Variants in SRP72 observed in about 807,000 individuals in gnomAD.
The protein encoded by SRP72 is signal recognition particle 72.
Under a neutral mutation model 96.3 loss-of-function variants are expected in SRP72, and 49 were observed. The ratio of observed to expected loss-of-function variants is 0.51; its 90% CI spans 0.40 to 0.65. The LOEUF (loss-of-function observed/expected upper bound fraction) is 0.65, where lower values mean the gene tolerates loss of function less well. Ranked by LOEUF, SRP72 falls within the 30% of genes least tolerant of loss-of-function variation. SRP72 has a pLI of 0.00. For synonymous variants in SRP72, 267 were observed against 275.2 expected (o/e 0.97, Z 0.30); for missense variants, 736 against 793.3 (o/e 0.93, Z 0.87).
rs1719786395 is a variant in SRP72 at position 56,467,669 on chromosome 4, C to A, written c.34C>A (p.Pro12Thr). ...ASGGSGGVSVPALWSEVNRYG... is the reference protein window; with the variant it reads ...ASGGSGGVSVTALWSEVNRYG... ...CGGCGGCAGCGGGGGGGTGTCAGTACCTGCGCTGTGGAGTGAAGTGAACCG... is the reference window on the plus strand; with the variant it reads ...CGGCGGCAGCGGGGGGGTGTCAGTAACTGCGCTGTGGAGTGAAGTGAACCG... The change falls in exon 1 of 19, where the codon CCT becomes ACT. Residue 12 changes from proline to threonine, a missense_variant. Transcript: ENST00000642900. 1 of 1,564,656 alleles carries A rather than the reference C, an allele frequency of 6.4e-7. No individual in the cohort carries two copies. Among genetic ancestry groups the A allele is most frequent in the Non-Finnish European group, 8.6e-7 (1 of 1,157,596 alleles).
intron 16 of SRP72, among the ~76,000 whole-genome samples, chr4:56,494,771 T>C (rs1721021425): frequency 6.6e-6 from 1 of 152,052 alleles, no homozygotes; most frequent in South Asian, 2.1e-4. Flanking sequence ...CCTTTTTTGG[T>C]CAATGTACTT....
chr4:56,495,133 G>A, intron 16 of SRP72: 1 of 328,390 alleles, frequency 3.0e-6, no homozygotes, highest in Non-Finnish European at 5.6e-6. Flanking sequence ...TTTTCGAATT[G>A]TCACCTCTGT....
intron 18 of SRP72, among the ~76,000 whole-genome samples, chr4:56,501,386 G>C (rs1721256950): frequency 6.6e-6 from 1 of 152,036 alleles, no homozygotes; most frequent in Non-Finnish European, 1.5e-5. Context: ...AGCTGAGATG[G>C]TGCCACTGCA....
chr4:56,481,275 G>A (rs1288881852), intron 8 of SRP72, among the ~76,000 whole-genome samples: 1 of 152,022 alleles, frequency 6.6e-6, no homozygotes, highest in African/African-American at 2.4e-5. Flanking sequence ...TAGAAGACCT[G>A]GTTTAAAAAA....
intron 8 of SRP72, 77 bp from the exon 9 acceptor site, chr4:56,483,058 GTATC>G: frequency 7.5e-7 from 1 of 1,338,558 alleles, no homozygotes; most frequent in Non-Finnish European, 1.0e-6. Flanking sequence ...CTCTCCTGCT[GTATC>G]TATATAAAGT....
chr4:56,482,397 G>A (rs1248713423), intron 8 of SRP72, among the ~76,000 whole-genome samples: 5 of 151,610 alleles, frequency 3.3e-5, no homozygotes, highest in Non-Finnish European at 5.9e-5. Context: ...GTAGTGAGCT[G>A]AGACTGTGCC....
intron 17 of SRP72, among the ~76,000 whole-genome samples, chr4:56,496,046 C>A (rs570166296): frequency 6.6e-6 from 1 of 152,146 alleles, no homozygotes; most frequent in Non-Finnish European, 1.5e-5. Context: ...GGTCAGTGTC[C>A]AGCCTTGAAT....
In SRP72 at chr4:56,501,859, T is replaced by C. The variant is rs756251299; in HGVS notation, c.2014T>C (p.Ter672ArgextTer1). The C allele has an allele frequency of 6.2e-7, 1 of 1,614,028 alleles. No homozygotes were observed. The highest frequency in any genetic ancestry group is 2.2e-5 in the East Asian group (1 of 44,878). ...KKKKGGKGGW[*>R] ...GAAGAAAGGTGGAAAAGGTGGCTGG[T>C]GATGAGAATATTCTTGTTGCAGGCT... The change falls in exon 19 of 19, where the codon TGA becomes CGA. Residue 672 changes from the stop codon to arginine, a stop_lost. Coordinates refer to ENST00000642900, the MANE Select transcript of SRP72 (RefSeq NM_006947.4).
rs1056102538 is a variant in SRP72 at position 56,469,696 on chromosome 4, A to G, written c.153A>G (p.Lys51=). ...NKDDVTALHC[K]VVCLIQNGSF... ...ATGACGTAACTGCCCTGCATTGTAA[A>G]GTGGTATGCCTTATCCAGAATGGAA... The change falls in exon 2 of 19, where the codon AAA becomes AAG. Residue 51 remains lysine (K), a synonymous_variant. Coordinates refer to ENST00000642900, the MANE Select transcript of SRP72 (RefSeq NM_006947.4). 3.7e-6 allele frequency: 6 copies of G among 1,612,242 alleles called. No homozygotes were observed. Among genetic ancestry groups the G allele is most frequent in the Non-Finnish European group, 4.2e-6 (5 of 1,178,698 alleles).
Position 56,476,678 on chromosome 4 carries a change from C to T in SRP72, c.618C>T (p.Cys206=), listed in dbSNP as rs757206644. 4.3e-6 allele frequency: 7 copies of T among 1,612,352 alleles called. No individual in the cohort carries two copies. Among genetic ancestry groups the T allele is most frequent in the Non-Finnish European group, 5.9e-6 (7 of 1,179,746 alleles). Residue 206 remains cysteine, a synonymous_variant, in exon 6 of 19, where the codon TGC becomes TGT. Coordinates refer to ENST00000642900, the MANE Select transcript of SRP72 (RefSeq NM_006947.4). Reference sequence around the variant, plus strand: ...ACAATTTTTCTCCTGTAGATCTTTGCCGCCGTTCATTATCAGAAGACACTG... The same window carrying T: ...ACAATTTTTCTCCTGTAGATCTTTGTCGCCGTTCATTATCAGAAGACACTG... ...MKILQKAEDL[C]RRSLSEDTDG...
rs1479814051 is a variant in SRP72, at chr4:56,474,183, G to A, written c.484G>A (p.Glu162Lys). Residue 162 changes from glutamate (E) to lysine (K), a missense_variant, in exon 4 of 19, where the codon GAA becomes AAA. By Grantham distance (56) the Glu-to-Lys change is moderately conservative. Coordinates refer to ENST00000642900, the MANE Select transcript of SRP72 (RefSeq NM_006947.4). Reference sequence around the variant, plus strand: ...AGTTGTTGCAGCTCAAAGCAATTGGGAAAAAGTGGTTCCAGTGAGTATCCT... The same window carrying A: ...AGTTGTTGCAGCTCAAAGCAATTGGAAAAAAGTGGTTCCAGTGAGTATCCT... ...SAVVAAQSNWEKVVPENLGLQ... is the reference protein window; with the variant it reads ...SAVVAAQSNWKKVVPENLGLQ... 3.1e-6 allele frequency: 5 copies of A among 1,613,560 alleles called. No individual in the cohort carries two copies. The highest frequency in any genetic ancestry group is 4.2e-6 in the Non-Finnish European group (5 of 1,179,902).
chr4:56,482,513 A>G (rs1241412199), intron 8 of SRP72, among the ~76,000 whole-genome samples: 1 of 152,152 alleles, frequency 6.6e-6, no homozygotes, highest in East Asian at 1.9e-4. Context: ...AGACAACAAT[A>G]TAGTGTAAAC....
In SRP72 at chr4:56,467,669, C is replaced by G. The variant is rs1719786395; in HGVS notation, c.34C>G (p.Pro12Ala). ...ASGGSGGVSV[P>A]ALWSEVNRYG... is the part of the protein sequence containing the mutation. ...CGGCGGCAGCGGGGGGGTGTCAGTA[C>G]CTGCGCTGTGGAGTGAAGTGAACCG... The change falls in exon 1 of 19, where the codon CCT (proline) becomes GCT (alanine). Residue 12 changes from proline (P) to alanine (A), a missense_variant. This residue lies in a region of SRP72 where 329 missense variants were observed against 319.0 expected (regional missense o/e 1.03). Coordinates refer to ENST00000642900, the MANE Select transcript of SRP72 (RefSeq NM_006947.4). The G allele has an allele frequency of 2.6e-6, 4 of 1,564,658 alleles. No homozygotes were observed. The African/African-American group carries it at 5.6e-5, about 22-fold the overall frequency.
chr4:56,467,621 C>T lies in SRP72; in HGVS notation c.-15C>T. 1 of 1,535,206 alleles carries T rather than the reference C, an allele frequency of 6.5e-7. No homozygotes were observed. The highest frequency in any genetic ancestry group is 8.7e-7 in the Non-Finnish European group (1 of 1,143,534). Reference sequence around the variant, plus strand: ...GGGCAGAGGTCTCCCCGCCCCGCCCCTCGTCTCCTCCAAGATGGCGAGCGG... The same window carrying T: ...GGGCAGAGGTCTCCCCGCCCCGCCCTTCGTCTCCTCCAAGATGGCGAGCGG... On this transcript the variant is annotated 5_prime_UTR_variant, in exon 1 of 19. Coordinates refer to ENST00000642900, the MANE Select transcript of SRP72 (RefSeq NM_006947.4).
In SRP72 at chr4:56,484,026, A is replaced by ATTTTTTTTTT. The variant is rs539665243; in HGVS notation, c.958-694_958-685dup. ...TTTAGTGGGAGACAGAGAAGCAGTA[A>ATTTTTTTTTT]TTTTTTTTTTTTTTTTTTTTTTTTT... is the stretch of plus-strand genomic sequence containing the variant. On this transcript the variant is annotated intron_variant, in intron 9 of 18. Coordinates refer to ENST00000642900, the MANE Select transcript of SRP72 (RefSeq NM_006947.4). 8.0e-3 allele frequency among the ~76,000 whole-genome samples: 689 copies of ATTTTTTTTTT among 86,596 alleles called. 85 individuals are homozygous for ATTTTTTTTTT. Among genetic ancestry groups the ATTTTTTTTTT allele is most frequent in the African/African-American group, 0.021 (410 of 19,896 alleles). The allele number at this position is 86,596 out of a possible 152,430, so 56.8% of individuals were successfully genotyped here. A position where few individuals can be genotyped will look rare whatever the true frequency, so the allele number is the denominator to read the frequency against.
chr4:56,494,444 G>A (rs1386466299), intron 16 of SRP72, among the ~76,000 whole-genome samples: 2 of 142,454 alleles, frequency 1.4e-5, no homozygotes, highest in African/African-American at 2.7e-5. Context: ...TTGCTCCATC[G>A]CTCAGGCTGG....
At chr4:56,467,767 G>T in intron 1 of SRP72, 23 bp downstream of exon 1, 1 of 1,430,492 alleles carries the variant, frequency 7.0e-7, no homozygotes, top group Non-Finnish European at 9.3e-7. Context: ...GTGGGCACTG[G>T]GGCGGGCCCA....
chr4:56,482,689 A>G (rs950308596), intron 8 of SRP72, among the ~76,000 whole-genome samples: 1 of 152,200 alleles, frequency 6.6e-6, no homozygotes, highest in Non-Finnish European at 1.5e-5. Context: ...TCTAGAGGGC[A>G]TAGCTTGTAG....
At chr4:56,498,340 A>G (rs969484701) in intron 17 of SRP72, among the ~76,000 whole-genome samples, 2 of 152,218 alleles carry the variant, frequency 1.3e-5, no homozygotes, top group Non-Finnish European at 2.9e-5. Context: ...CAAAAGCTGG[A>G]AGCATTCCCT....
Sources: gnomAD v4.1 joint callset for allele counts (sites outside exome capture counted in the v4.1 genomes callset) on GRCh38, gnomAD v4.1.1 for gene constraint, gnomAD v4.1.1 regional missense constraint, MANE v1.5 for transcripts, NCBI Gene and HGNC (gene_info 2026-07-23, HGNC 2026-07-21) for gene names.